The following GTPBP10 variants were observed in gnomAD, a reference collection of about 807,000 sequenced individuals.
GTPBP10 encodes the protein GTP-binding protein 10.
Under a neutral mutation model 44.8 loss-of-function variants are expected in GTPBP10, and 38 were observed. The observed-to-expected ratio is 0.85, with a 90% CI of 0.65 to 1.11. GTPBP10 has a LOEUF of 1.11. Among genes scored for constraint, GTPBP10 ranks in the 50% most tolerant of loss-of-function variants. The pLI, the probability that GTPBP10 is intolerant of heterozygous loss-of-function variation, is 0.00. For missense variants in GTPBP10, 462 were observed against 453.7 expected, an observed-to-expected ratio of 1.02 and a Z score of -0.17; for synonymous variants, 152 against 150.6, an observed-to-expected ratio of 1.01 and a Z score of -0.07.
At chr7:90,356,748 G>C (rs1795909007) in intron 4 of GTPBP10, among the ~76,000 whole-genome samples, 1 of 151,920 alleles carries the variant, frequency 6.6e-6, no homozygotes, top group African/African-American at 2.4e-5. Context: ...TTAAAATGTT[G>C]GTGGGTAAGA....
At chr7:90,379,494 C>T (rs1040805757) in intron 8 of GTPBP10, among the ~76,000 whole-genome samples, 1 of 152,134 alleles carries the variant, frequency 6.6e-6, no homozygotes, top group Non-Finnish European at 1.5e-5. Context: ...CCTCTGTAAC[C>T]CTCTCCCCTA....
chr7:90,380,786 CCCCT>C (rs1198643712), intron 8 of GTPBP10, among the ~76,000 whole-genome samples: 3 of 152,106 alleles, frequency 2.0e-5, no homozygotes, highest in African/African-American at 7.2e-5. Flanking sequence ...TTGACCAACA[CCCCT>C]CCATCTTCCT....
chr7:90,347,956 G>T (rs76443713), intron 1 of GTPBP10, among the ~76,000 whole-genome samples: 1,787 of 152,312 alleles, frequency 0.012, 9 homozygotes, highest in Non-Finnish European at 0.02. Context: ...AACTAGGCAT[G>T]GTAGGTGAGC....
intron 4 of GTPBP10, among the ~76,000 whole-genome samples, chr7:90,356,907 C>T (rs780480749): frequency 6.6e-6 from 1 of 152,076 alleles, no homozygotes; most frequent in East Asian, 1.9e-4. Context: ...TGAAATTTGT[C>T]TGTAATTAAA....
At position 90,352,711 on chromosome 7, in the gene GTPBP10, T is replaced by C. The variant is rs1262927983; in HGVS notation, c.34-105T>C. The C allele has an allele frequency of 5.0e-6, 4 of 798,602 alleles. No homozygotes were observed. The African/African-American group carries it at 5.2e-5, about 10-fold the overall frequency. The allele number at this position is 798,602 out of a possible 1,614,324, so 49.5% of individuals were successfully genotyped here. On this transcript the variant is annotated intron_variant, in intron 1 of 9. Transcript: ENST00000222511. The stretch of plus-strand genomic sequence containing the variant: ...TATAGAATTGGCATGTGAAAAGCTA[T>C]TAACGACTTTTTTAGAAGAAGTTTT...
intron 4 of GTPBP10, among the ~76,000 whole-genome samples, chr7:90,364,144 C>T (rs1276851147): frequency 1.3e-5 from 2 of 152,240 alleles, no homozygotes; most frequent in African/African-American, 2.4e-5. Flanking sequence ...TCATCAAAGT[C>T]ATTCTCTGTC....
At position 90,382,989 on chromosome 7, in the gene GTPBP10, A is replaced by G. The variant is rs773551248; in HGVS notation, c.811A>G (p.Lys271Glu). 1 of 1,591,424 alleles carries G rather than the reference A, an allele frequency of 6.3e-7. No individual in the cohort carries two copies. Among genetic ancestry groups the G allele is most frequent in the Non-Finnish European group, 8.6e-7 (1 of 1,165,700 alleles). Residue 271 changes from lysine (K) to glutamate (E), a missense_variant, in exon 9 of 10, where the codon AAA becomes GAA. Physicochemically the swap from Lys to Glu is moderately conservative, Grantham distance 56. Transcript: ENST00000222511. The part of the protein sequence containing the change: ...LELYKEELQT[K>E]PALLAVNKMD... ...ATTGTACAAAGAGGAACTTCAGACA[A>G]AACCTGCACTCTTGGCAGTTAATAA... is the stretch of plus-strand genomic sequence containing the variant.
chr7:90,351,159 A>G (rs1795782484), intron 1 of GTPBP10, among the ~76,000 whole-genome samples: 1 of 152,228 alleles, frequency 6.6e-6, no homozygotes. Flanking sequence ...GATGTACTAC[A>G]GTTAATTTTA....
At chr7:90,382,000 AT>A (rs559649170) in intron 8 of GTPBP10, among the ~76,000 whole-genome samples, 8 of 151,490 alleles carry the variant, frequency 5.3e-5, no homozygotes, top group Admixed American at 4.0e-4. Flanking sequence ...CTGAGCAATG[AT>A]TTTTTTTTAA....
intron 8 of GTPBP10, among the ~76,000 whole-genome samples, chr7:90,382,225 A>G (rs1796445810): frequency 6.6e-6 from 1 of 152,038 alleles, no homozygotes; most frequent in South Asian, 2.1e-4. Context: ...AACAACTCAA[A>G]ATTTTTAATT....
intron 4 of GTPBP10, among the ~76,000 whole-genome samples, chr7:90,358,914 C>T (rs1015086797): frequency 3.3e-5 from 5 of 151,976 alleles, no homozygotes; most frequent in Admixed American, 6.6e-5. Context: ...AAAACAATTC[C>T]GTTAAAAAGT....
chr7:90,372,756 T>A (rs1796282577), intron 5 of GTPBP10, among the ~76,000 whole-genome samples: 1 of 152,124 alleles, frequency 6.6e-6, no homozygotes, highest in Non-Finnish European at 1.5e-5. Flanking sequence ...CCACTTACCT[T>A]TTATCAGGCA....
intron 4 of GTPBP10, among the ~76,000 whole-genome samples, chr7:90,368,645 G>A (rs1796185802): frequency 6.6e-6 from 1 of 152,158 alleles, no homozygotes. Context: ...ACTCCATGAG[G>A]TCATTTAAGG....
rs534413888 is a variant in GTPBP10, at chr7:90,375,455, A to G, written c.591+1101A>G. 2.4e-4 allele frequency among the ~76,000 whole-genome samples: 36 copies of G among 152,302 alleles called. 1 individual carries two copies. In the East Asian group the frequency reaches 5.6e-3, roughly 24 times the overall value. On this transcript the variant is annotated intron_variant, in intron 6 of 9. Coordinates refer to ENST00000222511, the MANE Select transcript of GTPBP10 (RefSeq NM_033107.4). ...GCTAACGATGCATCAATATGGGTTCATACAGTTTTATGACATAATTTAAAG... is the reference window on the plus strand; with the variant it reads ...GCTAACGATGCATCAATATGGGTTCGTACAGTTTTATGACATAATTTAAAG...
intron 5 of GTPBP10, among the ~76,000 whole-genome samples, chr7:90,372,570 G>C (rs993518443): frequency 6.7e-6 from 1 of 148,634 alleles, no homozygotes; most frequent in Non-Finnish European, 1.5e-5. Flanking sequence ...TCCCACCTTG[G>C]CCTTCTAAAT....
intron 4 of GTPBP10, among the ~76,000 whole-genome samples, chr7:90,365,462 G>A (rs796232883): frequency 6.8e-5 from 9 of 132,756 alleles, no homozygotes; most frequent in African/African-American, 1.7e-4. Flanking sequence ...TGCAAGCTCC[G>A]CCTCCCAGGT....
At chr7:90,367,435 A>G (rs924342462) in intron 4 of GTPBP10, among the ~76,000 whole-genome samples, 1 of 152,120 alleles carries the variant, frequency 6.6e-6, no homozygotes. Flanking sequence ...GTAGCTCTCT[A>G]AGGACTTGCT....
At chr7:90,350,802 G>A (rs1039281220) in intron 1 of GTPBP10, among the ~76,000 whole-genome samples, 2 of 152,124 alleles carry the variant, frequency 1.3e-5, no homozygotes, top group African/African-American at 4.8e-5. Context: ...TCTTGAGATA[G>A]CAGGCCATCG....
chr7:90,359,892 A>T (rs1447861565), intron 4 of GTPBP10, among the ~76,000 whole-genome samples: 1 of 152,222 alleles, frequency 6.6e-6, no homozygotes, highest in African/African-American at 2.4e-5. Flanking sequence ...ACGGCCAGTG[A>T]TGATGAGCAT....
Sources: gnomAD v4.1 joint callset for allele counts (sites outside exome capture counted in the v4.1 genomes callset) on GRCh38, gnomAD v4.1.1 for gene constraint, MANE v1.5 for transcripts, NCBI Gene and HGNC (gene_info 2026-07-23, HGNC 2026-07-21) for gene names.